The following TCOF1 variants were observed in gnomAD, a reference collection of about 807,000 sequenced individuals.
The protein encoded by TCOF1 is treacle ribosome biogenesis factor 1.
Under a neutral mutation model 149.0 loss-of-function variants are expected in TCOF1, and 33 were observed. The ratio of observed to expected loss-of-function variants is 0.22; its 90% CI spans 0.17 to 0.30. The LOEUF (loss-of-function observed/expected upper bound fraction) is 0.30. Among genes scored for constraint, TCOF1 ranks in the 10% least tolerant of loss-of-function variants. The probability of loss-of-function intolerance (pLI) is 1.00; values close to 1 mark genes in which losing one functional copy is unlikely to be tolerated. For missense variants in TCOF1, 1,728 were observed against 1,840.7 expected (o/e 0.94, Z 1.12); for synonymous variants, 789 against 738.8 (o/e 1.07, Z -1.10).
chr5:150,361,648 G>C (rs1198386213), intron 2 of TCOF1, among the ~76,000 whole-genome samples: 1 of 152,232 alleles, frequency 6.6e-6, no homozygotes, highest in East Asian at 1.9e-4. Flanking sequence ...GATTACAAAA[G>C]AGAGGAATCT....
At chr5:150,383,167 A>T in intron 17 of TCOF1, 2 of 1,535,482 alleles carry the variant, frequency 1.3e-6, no homozygotes, top group Non-Finnish European at 1.7e-6. Flanking sequence ...GCTGCCACTG[A>T]CCCAGGTGCG....
Position 150,374,970 on chromosome 5 carries a change from A to T in TCOF1, c.1295A>T (p.Lys432Met). The T allele has an allele frequency of 6.2e-7, 1 of 1,613,008 alleles. No individual in the cohort carries two copies. The highest frequency in any genetic ancestry group is 1.1e-5 in the South Asian group (1 of 91,044). Residue 432 changes from lysine (K) to methionine (M), a missense_variant, in exon 10 of 27, where the codon AAG (lysine) becomes ATG (methionine). By Grantham distance (95) the Lys-to-Met change is moderately conservative. This residue lies in a region of TCOF1 where 1,696 missense variants were observed against 1,765.4 expected (regional missense o/e 0.96). Transcript: ENST00000643257. The part of the protein sequence containing the change: ...EAPAQAKPSG[K>M]APQVRAASAP... ...TCACTCCAGGCGAAGCCTTCAGGGA[A>T]GGCCCCCCAGGTCAGAGCCGCCTCG...
At chr5:150,373,300 C>G (rs1199585962) in intron 7 of TCOF1, among the ~76,000 whole-genome samples, 2 of 152,122 alleles carry the variant, frequency 1.3e-5, no homozygotes, top group Non-Finnish European at 2.9e-5. Flanking sequence ...CTTGGCCTCC[C>G]AAAGTGCCGT....
chr5:150,396,931 T>C, intron 24 of TCOF1, 89 bp downstream of exon 24: 1 of 1,442,402 alleles, frequency 6.9e-7, no homozygotes, highest in Non-Finnish European at 9.5e-7. Flanking sequence ...CTGGTCTCAT[T>C]CCTCCCATGT....
At chr5:150,368,224 C>T in intron 4 of TCOF1, 1 of 420,760 alleles carries the variant, frequency 2.4e-6, no homozygotes, top group East Asian at 4.9e-5. Flanking sequence ...TTGACTAATA[C>T]CTGTTATGTT....
Position 150,372,538 on chromosome 5 carries a change from C to A in TCOF1, c.870+302C>A, listed in dbSNP as rs17713128. The stretch of plus-strand genomic sequence containing the variant: ...CTCTGACTTCTCAGGACAAACCAGA[C>A]CCTGAGCAGGCAAACACTACGTTAG... On this transcript the variant is annotated intron_variant, in intron 7 of 26. Coordinates refer to ENST00000643257, the MANE Select transcript of TCOF1 (RefSeq NM_001371623.1). 0.017 allele frequency among the ~76,000 whole-genome samples: 2,606 copies of A among 152,346 alleles called. 33 individuals carry two copies. The highest frequency in any genetic ancestry group is 0.027 in the Middle Eastern group (8 of 294).
chr5:150,384,207 A>C, intron 17 of TCOF1: 1 of 1,003,962 alleles, frequency 1.0e-6, no homozygotes. Context: ...ACTGCCTCTC[A>C]CTTTCCAATG....
In TCOF1 at chr5:150,381,019, T is replaced by TA. The variant is rs200253187; in HGVS notation, c.2859+1295dup. On this transcript the variant is annotated intron_variant, in intron 17 of 26. Transcript: ENST00000643257. ...ACAGAGTGAGACTCTGTCACAAAAA[T>TA]AAAAAAAAGAGATGATAAATGTCAG... Among the ~76,000 whole-genome samples, 563 of 151,114 alleles carry TA rather than the reference T, an allele frequency of 3.7e-3. 4 individuals carry two copies. The highest frequency in any genetic ancestry group is 0.012 in the African/African-American group (511 of 41,200).
At chr5:150,392,668 C>T (rs1767682177) in intron 21 of TCOF1, 37 bp from the exon 22 acceptor site, 1 of 1,610,942 alleles carries the variant, frequency 6.2e-7, no homozygotes, top group African/African-American at 1.3e-5. Flanking sequence ...TGGCAGGGGC[C>T]ACCTGGGGCT....
chr5:150,368,417 A>T (rs989485439), intron 4 of TCOF1: 8 of 453,874 alleles, frequency 1.8e-5, no homozygotes, highest in Non-Finnish European at 3.2e-5. Flanking sequence ...TGCCTGGAGC[A>T]TTAGCAACAA....
chr5:150,362,822 C>G (rs1158441619), intron 2 of TCOF1, among the ~76,000 whole-genome samples: 1 of 152,144 alleles, frequency 6.6e-6, no homozygotes, highest in African/African-American at 2.4e-5. Flanking sequence ...CCCCAAAAAA[C>G]TGCTTCAGTG....
Position 150,374,595 on chromosome 5 carries a change from TCC to T in TCOF1, c.1084-19_1084-18del, listed in dbSNP as rs1458015672. Reference sequence around the variant, plus strand: ...TCACACGTCCATCCTCTGGGCTGTCTCCCCTTGTCTTGTTTCTCCAGGCGAAG... The same window carrying T: ...TCACACGTCCATCCTCTGGGCTGTCTCCTTGTCTTGTTTCTCCAGGCGAAG... On this transcript the variant is annotated intron_variant, in intron 8 of 26. Transcript: ENST00000643257. 1.9e-6 allele frequency: 3 copies of T among 1,609,422 alleles called. No homozygotes were observed. The highest frequency in any genetic ancestry group is 2.7e-5 in the African/African-American group (2 of 73,724).
rs1480064985 is a variant in TCOF1, at chr5:150,379,405, T to A, written c.2655T>A (p.Ala885=). Residue 885 remains alanine, a synonymous_variant, in exon 16 of 27, where the codon GCT becomes GCA. Transcript: ENST00000643257. ...GTGAGGAGGAGGCGGAGACGCTGGCTCAGGTGAGGGGGAGGGAATGGAGAT... is the reference window on the plus strand; with the variant it reads ...GTGAGGAGGAGGCGGAGACGCTGGCACAGGTGAGGGGGAGGGAATGGAGAT... ...SDSEEEAETL[A]QVKPSGKTHQ... is the part of the protein sequence containing the mutation. 6 of 1,613,308 alleles carry A rather than the reference T, an allele frequency of 3.7e-6. No homozygotes were observed. The African/African-American group carries it at 8.0e-5, about 22-fold the overall frequency.
At chr5:150,378,301 CT>C (rs57206427) in intron 14 of TCOF1, among the ~76,000 whole-genome samples, 9 of 151,462 alleles carry the variant, frequency 5.9e-5, no homozygotes, top group South Asian at 2.1e-4. Flanking sequence ...GGGAATTTCC[CT>C]TTTTTTTTGT....
chr5:150,388,213 G>GAGACCTGACCCCAA, intron 18 of TCOF1, 125 bp downstream of exon 18: 1 of 1,306,834 alleles, frequency 7.7e-7, no homozygotes, highest in Non-Finnish European at 1.1e-6. Flanking sequence ...CTTGGGGTCA[G>GAGACCTGACCCCAA]GTCTCTGGGC....
chr5:150,393,479 C>T lies in TCOF1; in HGVS notation c.3711C>T (p.Ala1237=), dbSNP rs769887301. 52 of 1,614,058 alleles carry T rather than the reference C, an allele frequency of 3.2e-5. No individual in the cohort carries two copies. The highest frequency in any genetic ancestry group is 4.5e-5 in the East Asian group (2 of 44,892). Residue 1237 remains alanine, a synonymous_variant, in exon 23 of 27, where the codon GCC becomes GCT. Transcript: ENST00000643257. ...DSSPSVSSTL[A]AKDDPDGKQE... Reference sequence around the variant, plus strand: ...GCCCCTCAGTTTCCTCTACTCTGGCCGCCAAAGATGACCCAGATGGCAAGC... The same window carrying T: ...GCCCCTCAGTTTCCTCTACTCTGGCTGCCAAAGATGACCCAGATGGCAAGC...
chr5:150,372,380 C>A, intron 7 of TCOF1, 144 bp downstream of exon 7: 1 of 728,470 alleles, frequency 1.4e-6, no homozygotes, highest in Non-Finnish European at 2.2e-6. Flanking sequence ...AGCCTGCTTC[C>A]CACAGGGGAG....
At chr5:150,383,075 C>G (rs1765562255) in intron 17 of TCOF1, 1 of 1,535,792 alleles carries the variant, frequency 6.5e-7, no homozygotes, top group Non-Finnish European at 8.7e-7. Context: ...GACAGTAACT[C>G]CAAACCTGCC....
At chr5:150,360,455 G>A (rs1346451355) in intron 1 of TCOF1, among the ~76,000 whole-genome samples, 6 of 152,208 alleles carry the variant, frequency 3.9e-5, no homozygotes, top group African/African-American at 1.4e-4. Context: ...TGTCTGGGCT[G>A]TGATTCGTGC....
Sources: gnomAD v4.1 joint callset for allele counts (sites outside exome capture counted in the v4.1 genomes callset) on GRCh38, gnomAD v4.1.1 for gene constraint, gnomAD v4.1.1 regional missense constraint, MANE v1.5 for transcripts, NCBI Gene and HGNC (gene_info 2026-07-23, HGNC 2026-07-21) for gene names.